Variants in CFH observed in about 807,000 individuals in gnomAD.
CFH encodes H factor 1 (complement).
CFH carries 53 observed loss-of-function variants against 147.3 expected under a neutral mutation model. That is an observed-to-expected ratio of 0.36 (90% confidence interval 0.29 to 0.45). CFH has a LOEUF of 0.45. CFH is among the 20% of genes least tolerant of loss of function. The pLI, the probability that CFH is intolerant of heterozygous loss-of-function variation, is 1.00. For missense variants in CFH, 1,380 were observed against 1,498.0 expected, an observed-to-expected ratio of 0.92 and a Z score of 1.30; for synonymous variants, 536 against 489.4, an observed-to-expected ratio of 1.10 and a Z score of -1.26.
At position 196,728,338 on chromosome 1, in the gene CFH, T is replaced by C; in HGVS notation, c.2237-8T>C. 1 of 1,397,114 alleles carries C rather than the reference T, an allele frequency of 7.2e-7. No individual in the cohort carries two copies. The highest frequency in any genetic ancestry group is 1.4e-5 in the South Asian group (1 of 71,220). 86.5% of individuals were successfully genotyped at this position (1,397,114 alleles called of 1,614,324 possible). A position where few individuals can be genotyped will look rare whatever the true frequency, so the allele number is the denominator to read the frequency against. The stretch of plus-strand genomic sequence containing the variant: ...TTGAATTTTCATAAAAATATATTTA[T>C]TTTATAGCAATAGATAAACTTAAGA... On this transcript the variant is annotated splice_polypyrimidine_tract_variant and splice_region_variant and intron_variant, in intron 14 of 21. Transcript: ENST00000367429.
intron 1 of CFH, among the ~76,000 whole-genome samples, chr1:196,652,772 T>C (rs926679821): frequency 2.6e-5 from 4 of 151,886 alleles, no homozygotes; most frequent in African/African-American, 9.7e-5. Flanking sequence ...GAGATTTTTT[T>C]CCTGTAGTTG....
chr1:196,691,177 C>A lies in CFH; in HGVS notation c.1336+938C>A, dbSNP rs185568417. ...TCAATATTAATATGTACATTGGAATCAATCATTTGACTCAAAATAATTATA... is the reference window on the plus strand; with the variant it reads ...TCAATATTAATATGTACATTGGAATAAATCATTTGACTCAAAATAATTATA... On this transcript the variant is annotated intron_variant, in intron 9 of 21. Transcript: ENST00000367429. 5.9e-5 allele frequency among the ~76,000 whole-genome samples: 9 copies of A among 151,924 alleles called. 1 individual carries two copies. In the East Asian group the frequency reaches 1.7e-3, roughly 29 times the overall value.
intron 1 of CFH, among the ~76,000 whole-genome samples, chr1:196,665,234 A>G (rs149618387): frequency 0.013 from 2,035 of 151,678 alleles, 56 homozygotes; most frequent in African/African-American, 0.046. Context: ...CACATTTTGT[A>G]TATATGATTT....
intron 11 of CFH, among the ~76,000 whole-genome samples, chr1:196,721,613 A>T (rs948042293): frequency 6.6e-6 from 1 of 151,694 alleles, no homozygotes; most frequent in African/African-American, 2.4e-5. Flanking sequence ...TTCTTTGTTT[A>T]TTTTTTTGTC....
At chr1:196,653,818 T>A (rs1666586474) in intron 1 of CFH, among the ~76,000 whole-genome samples, 1 of 152,088 alleles carries the variant, frequency 6.6e-6, no homozygotes, top group Non-Finnish European at 1.5e-5. Context: ...GCACTATATA[T>A]GTTATGGTGA....
At chr1:196,664,282 G>T (rs1292716620) in intron 1 of CFH, among the ~76,000 whole-genome samples, 1 of 152,012 alleles carries the variant, frequency 6.6e-6, no homozygotes, top group East Asian at 1.9e-4. Flanking sequence ...GGTGGTCTCA[G>T]ACTCCTGGGC....
At chr1:196,679,048 C>G (rs755154960) in intron 5 of CFH, 1 of 152,468 alleles carries the variant, frequency 6.6e-6, no homozygotes, top group Non-Finnish European at 1.5e-5. Flanking sequence ...AGTGGGAGAA[C>G]AGAGTTTGGG....
intron 11 of CFH, among the ~76,000 whole-genome samples, chr1:196,722,498 T>C (rs772751313): frequency 6.6e-6 from 1 of 152,124 alleles, no homozygotes; most frequent in Non-Finnish European, 1.5e-5. Context: ...TTAGATGCTT[T>C]TCTCTTGCTG....
intron 9 of CFH, among the ~76,000 whole-genome samples, chr1:196,703,115 G>C (rs1668501884): frequency 6.6e-6 from 1 of 152,212 alleles, no homozygotes; most frequent in African/African-American, 2.4e-5. Context: ...CAAGTTTAAA[G>C]AGTGGAAAAT....
At position 196,698,729 on chromosome 1, in the gene CFH, G is replaced by A. The variant is rs372801124; in HGVS notation, c.1336+8490G>A. On this transcript the variant is annotated intron_variant, in intron 9 of 21. Coordinates refer to ENST00000367429, the MANE Select transcript of CFH (RefSeq NM_000186.4). ...TCTCCTCCTTAACTCATTTTATGGAGCCAGCATCATCCTGATACCAAAACC... is the reference window on the plus strand; with the variant it reads ...TCTCCTCCTTAACTCATTTTATGGAACCAGCATCATCCTGATACCAAAACC... Among the ~76,000 whole-genome samples the A allele has an allele frequency of 3.3e-5, 5 of 152,254 alleles. No individual in the cohort carries two copies. The East Asian group carries it at 7.7e-4, about 24-fold the overall frequency.
At chr1:196,655,208 A>G (rs1666645857) in intron 1 of CFH, among the ~76,000 whole-genome samples, 1 of 152,098 alleles carries the variant, frequency 6.6e-6, no homozygotes, top group South Asian at 2.1e-4. Context: ...GTAGAAATGG[A>G]TGTTGATGAG....
At chr1:196,744,824 A>T (rs909976299) in intron 20 of CFH, among the ~76,000 whole-genome samples, 10 of 151,880 alleles carry the variant, frequency 6.6e-5, no homozygotes, top group African/African-American at 1.9e-4. Context: ...TCTTTCTTTT[A>T]TCTGTTTTAT....
chr1:196,737,885 G>A (rs543879), intron 17 of CFH, among the ~76,000 whole-genome samples: 8,941 of 152,124 alleles, frequency 0.059, 847 homozygotes, highest in African/African-American at 0.2. Context: ...ATAATATCTA[G>A]TGAAATTAAA....
chr1:196,737,239 T>C (rs560171629), intron 16 of CFH, among the ~76,000 whole-genome samples: 1 of 152,304 alleles, frequency 6.6e-6, no homozygotes, highest in South Asian at 2.1e-4. Context: ...CATTCATGCA[T>C]ATTTTAATCC....
intron 9 of CFH, among the ~76,000 whole-genome samples, chr1:196,692,790 CTT>C (rs1428305057): frequency 2.5e-5 from 2 of 80,214 alleles, no homozygotes; most frequent in African/African-American, 1.1e-4. Flanking sequence ...TTCTTTCTTT[CTT>C]TCTTTCTTTC....
chr1:196,685,018 A>C (rs1667777631), intron 6 of CFH, 46 bp from the exon 7 acceptor site: 1 of 1,397,952 alleles, frequency 7.2e-7, no homozygotes, highest in Non-Finnish European at 1.0e-6. Context: ...ATTAATTTTA[A>C]CGGATACTTA....
intron 2 of CFH, 71 bp from the exon 3 acceptor site, chr1:196,673,786 T>C (rs1381840934): frequency 2.2e-6 from 2 of 907,576 alleles, no homozygotes; most frequent in Non-Finnish European, 3.7e-6. Context: ...AATATACTTG[T>C]TCCCCCACTC....
chr1:196,652,513 T>C (rs760696873), intron 1 of CFH, among the ~76,000 whole-genome samples: 3 of 151,910 alleles, frequency 2.0e-5, no homozygotes, highest in Non-Finnish European at 4.4e-5. Context: ...AAATGTATTA[T>C]GTGAAAGCAT....
chr1:196,673,438 G>A (rs1277531468), intron 2 of CFH: 2 of 428,992 alleles, frequency 4.7e-6, no homozygotes, highest in Non-Finnish European at 8.5e-6. Context: ...CCTGGTTCAA[G>A]CAATTCTCCT....
Sources: allele counts gnomAD v4.1 joint callset (sites outside exome capture counted in the v4.1 genomes callset), GRCh38; gene constraint gnomAD v4.1.1; transcripts MANE v1.5; gene names NCBI Gene and HGNC (gene_info 2026-07-23, HGNC 2026-07-21).